MYO16: variants seen among roughly 807,000 people sequenced by gnomAD.
MYO16 encodes myosin XVI, also known as unconventional myosin-XVI.
In MYO16, 94 loss-of-function variants were observed where a neutral mutation model predicts 205.3. The ratio of observed to expected loss-of-function variants is 0.46; its 90% CI spans 0.39 to 0.54. MYO16 has a LOEUF of 0.54. Among genes scored for constraint, MYO16 ranks in the 20% least tolerant of loss-of-function variants. MYO16 has a pLI of 0.00. For missense variants in MYO16, 2,315 were observed against 2,387.5 expected, an observed-to-expected ratio of 0.97 and a Z score of 0.63; for synonymous variants, 988 against 954.0, an observed-to-expected ratio of 1.04 and a Z score of -0.66.
chr13:109,097,049 G>A (rs1007568929), intron 27 of MYO16, among the ~76,000 whole-genome samples: 2 of 152,198 alleles, frequency 1.3e-5, no homozygotes, highest in Admixed American at 1.3e-4. Context: ...ACTGATGTCA[G>A]CTGGGCACAG....
At chr13:108,773,859 T>C (rs9634573) in intron 4 of MYO16, among the ~76,000 whole-genome samples, 60,259 of 152,082 alleles carry the variant, frequency 0.4, 13,200 homozygotes, top group East Asian at 0.87. Flanking sequence ...AAAATGCCAT[T>C]AGATAGATAA....
At chr13:108,865,030 T>C (rs1878636819) in intron 11 of MYO16, among the ~76,000 whole-genome samples, 1 of 152,182 alleles carries the variant, frequency 6.6e-6, no homozygotes, top group Admixed American at 6.6e-5. Context: ...CGGATTTAGT[T>C]TTCTGGTGGG....
chr13:109,037,891 G>T (rs1031141740), intron 23 of MYO16, among the ~76,000 whole-genome samples: 2 of 152,152 alleles, frequency 1.3e-5, no homozygotes, highest in Non-Finnish European at 2.9e-5. Context: ...AGAGACTTGG[G>T]CCTAGAAAGG....
chr13:108,540,654 G>T, the MYO16 span, among the ~76,000 whole-genome samples: 3 of 152,050 alleles, frequency 2.0e-5, no homozygotes, highest in African/African-American at 7.2e-5. Flanking sequence ...AATAATTTTT[G>T]CTGGAGTATA....
chr13:108,777,409 G>T, intron 4 of MYO16, among the ~76,000 whole-genome samples: 1 of 152,216 alleles, frequency 6.6e-6, no homozygotes, highest in Admixed American at 6.5e-5. Context: ...ACAGATATAG[G>T]AAGCAGCCAC....
At chr13:109,096,807 C>T (rs1888791874) in intron 27 of MYO16, among the ~76,000 whole-genome samples, 1 of 152,188 alleles carries the variant, frequency 6.6e-6, no homozygotes, top group South Asian at 2.1e-4. Flanking sequence ...GAATTTATGT[C>T]TTGTCCGGAG....
intron 11 of MYO16, among the ~76,000 whole-genome samples, chr13:108,865,587 A>G (rs1878674997): frequency 6.6e-6 from 1 of 151,822 alleles, no homozygotes; most frequent in South Asian, 2.1e-4. Flanking sequence ...TTTTAATACA[A>G]TTTATAATCT....
At position 109,085,613 on chromosome 13, in the gene MYO16, A is replaced by G. The variant is rs547114577; in HGVS notation, c.3336-15172A>G. 9.8e-5 allele frequency among the ~76,000 whole-genome samples: 15 copies of G among 152,356 alleles called. No individual in the cohort carries two copies. In the South Asian group the frequency reaches 2.7e-3, roughly 27 times the overall value. On this transcript the variant is annotated intron_variant, in intron 27 of 34. Transcript: ENST00000457511. ...AAGAAAGGGAGGATTGCATTTGAGT[A>G]CATAACATTTTTAAGTCATTCATTC... is the stretch of plus-strand genomic sequence containing the variant.
At chr13:108,500,849 G>T in the MYO16 span, among the ~76,000 whole-genome samples, 3 of 152,086 alleles carry the variant, frequency 2.0e-5, no homozygotes, top group Non-Finnish European at 4.4e-5. Flanking sequence ...GCAGCATAAA[G>T]TGCCTGCTCC....
At chr13:108,538,189 G>T in the MYO16 span, among the ~76,000 whole-genome samples, 1 of 151,992 alleles carries the variant, frequency 6.6e-6, no homozygotes, top group African/African-American at 2.4e-5. Context: ...TTTAATCCAT[G>T]AAAGTAGATA....
intron 28 of MYO16, among the ~76,000 whole-genome samples, chr13:109,118,394 G>A (rs531902172): frequency 1.3e-5 from 2 of 152,216 alleles, no homozygotes; most frequent in East Asian, 3.9e-4. Context: ...TACTCATTTT[G>A]TCCACCTCCT....
At chr13:108,790,567 G>A (rs547216773) in intron 5 of MYO16, among the ~76,000 whole-genome samples, 52 of 152,148 alleles carry the variant, frequency 3.4e-4, no homozygotes, top group Middle Eastern at 3.4e-3. Flanking sequence ...GTAGACTTAT[G>A]GGCTATATCC....
rs140870347 is a variant in MYO16 at position 109,067,557 on chromosome 13, G to T, written c.3335+11962G>T. Among the ~76,000 whole-genome samples, 1,485 of 152,258 alleles carry T rather than the reference G, an allele frequency of 9.8e-3. 8 individuals are homozygous for T. The highest frequency in any genetic ancestry group is 0.027 in the Middle Eastern group (8 of 294). On this transcript the variant is annotated intron_variant, in intron 27 of 34. Coordinates refer to ENST00000457511, the MANE Select transcript of MYO16 (RefSeq NM_001198950.3). ...TCCACAATGGCGTGCTGTTTCTGAG[G>T]CTTGACTGTCATTAGCATCCACCCT... is the stretch of plus-strand genomic sequence containing the variant.
At chr13:108,721,234 C>T (rs9520985) in intron 3 of MYO16, among the ~76,000 whole-genome samples, 4 of 151,848 alleles carry the variant, frequency 2.6e-5, no homozygotes, top group African/African-American at 9.7e-5. Flanking sequence ...ACGGTCAAAG[C>T]TTTGGACAAC....
intron 2 of MYO16, among the ~76,000 whole-genome samples, chr13:108,694,061 T>C (rs1259492837): frequency 6.6e-6 from 1 of 152,202 alleles, no homozygotes; most frequent in East Asian, 1.9e-4. Flanking sequence ...TATGGCCACA[T>C]AGTATTTCAT....
intron 32 of MYO16, among the ~76,000 whole-genome samples, chr13:109,152,788 A>G (rs1012515394): frequency 1.6e-4 from 25 of 152,198 alleles, no homozygotes; most frequent in African/African-American, 5.8e-4. Context: ...TCAGAGGTTA[A>G]CTTCAGGCAA....
intron 34 of MYO16, among the ~76,000 whole-genome samples, chr13:109,192,806 T>G (rs1879981722): frequency 6.6e-6 from 1 of 152,202 alleles, no homozygotes; most frequent in African/African-American, 2.4e-5. Flanking sequence ...GCAAGAAATA[T>G]CCTTCTTTTG....
At chr13:108,737,023 T>G (rs1884727104) in intron 4 of MYO16, among the ~76,000 whole-genome samples, 1 of 152,340 alleles carries the variant, frequency 6.6e-6, no homozygotes, top group South Asian at 2.1e-4. Context: ...CTTATCAGCT[T>G]AAGGAGATTT....
chr13:108,780,618 A>T (rs1886271017), intron 4 of MYO16, among the ~76,000 whole-genome samples: 1 of 152,260 alleles, frequency 6.6e-6, no homozygotes, highest in African/African-American at 2.4e-5. Context: ...TTAGTTAAAA[A>T]GAATTGCCGT....
Sources: allele counts gnomAD v4.1 joint callset (sites outside exome capture counted in the v4.1 genomes callset), GRCh38; gene constraint gnomAD v4.1.1; transcripts MANE v1.5; gene names NCBI Gene and HGNC (gene_info 2026-07-23, HGNC 2026-07-21).